Variants in L3MBTL4 observed in about 807,000 individuals in gnomAD.
The protein encoded by L3MBTL4 is L3MBTL histone methyl-lysine binding protein 4.
A neutral mutation model predicts 84.5 loss-of-function variants in L3MBTL4; 70 were observed. The ratio of observed to expected loss-of-function variants is 0.83; its 90% CI spans 0.68 to 1.01. The LOEUF (loss-of-function observed/expected upper bound fraction) is 1.01, where lower values mean the gene tolerates loss of function less well. Among genes scored for constraint, L3MBTL4 ranks in the 50% least tolerant of loss-of-function variants. The pLI, the probability that L3MBTL4 is intolerant of heterozygous loss-of-function variation, is 0.00. For missense variants in L3MBTL4, 715 were observed against 754.8 expected (o/e 0.95, Z 0.62); for synonymous variants, 274 against 259.8 (o/e 1.05, Z -0.52).
At chr18:6,336,122 A>G (rs970401217) in intron 1 of L3MBTL4, among the ~76,000 whole-genome samples, 2 of 152,182 alleles carry the variant, frequency 1.3e-5, no homozygotes, top group African/African-American at 2.4e-5. Context: ...GTAGGATGTA[A>G]TACTTTAAGG....
rs149869525 is a variant in L3MBTL4, at chr18:6,109,383, T to C, written c.1200-15855A>G. 2.0e-4 allele frequency among the ~76,000 whole-genome samples: 31 copies of C among 152,318 alleles called. 2 individuals carry two copies. The East Asian group carries it at 5.6e-3, about 28-fold the overall frequency. Reference sequence around the variant, plus strand: ...TTAGTCATTGTCATAACCATTGTTATGAGGCTTGCATTTCTCGTTTCTAGG... The same window carrying C: ...TTAGTCATTGTCATAACCATTGTTACGAGGCTTGCATTTCTCGTTTCTAGG... On this transcript the variant is annotated intron_variant, in intron 14 of 18. Transcript: ENST00000317931.
At chr18:6,149,108 T>C (rs2042776665) in intron 13 of L3MBTL4, among the ~76,000 whole-genome samples, 1 of 152,076 alleles carries the variant, frequency 6.6e-6, no homozygotes, top group African/African-American at 2.4e-5. Flanking sequence ...GCAGGCTTGT[T>C]ACATATGTAT....
At chr18:6,199,219 A>G (rs957209956) in intron 12 of L3MBTL4, among the ~76,000 whole-genome samples, 1 of 152,238 alleles carries the variant, frequency 6.6e-6, no homozygotes, top group African/African-American at 2.4e-5. Context: ...CCTCATGCCT[A>G]CATGGGGCTT....
At chr18:6,061,560 C>A (rs2057220955) in intron 16 of L3MBTL4, among the ~76,000 whole-genome samples, 1 of 151,900 alleles carries the variant, frequency 6.6e-6, no homozygotes, top group Non-Finnish European at 1.5e-5. Context: ...AATCACCAAA[C>A]TGAAGGCCAC....
chr18:6,272,304 G>C (rs2048909972), intron 4 of L3MBTL4, among the ~76,000 whole-genome samples: 1 of 152,090 alleles, frequency 6.6e-6, no homozygotes, highest in South Asian at 2.1e-4. Context: ...AAGATGGGAG[G>C]GCACCCTACC....
At chr18:6,285,647 C>A (rs1278690971) in intron 4 of L3MBTL4, among the ~76,000 whole-genome samples, 1 of 151,938 alleles carries the variant, frequency 6.6e-6, no homozygotes, top group Non-Finnish European at 1.5e-5. Flanking sequence ...GCAAGCCCTG[C>A]TGCTGAAGTC....
intron 10 of L3MBTL4, 39 bp downstream of exon 10, chr18:6,237,925 C>G: frequency 6.6e-7 from 1 of 1,510,964 alleles, no homozygotes. Flanking sequence ...GCCACTCACA[C>G]AGAGATGACT....
intron 16 of L3MBTL4, chr18:6,030,710 T>C (rs1206662655): frequency 1.2e-5 from 12 of 974,546 alleles, no homozygotes; most frequent in Non-Finnish European, 1.3e-5. Flanking sequence ...TCTTTGTATT[T>C]AGTTTAATGC....
chr18:6,286,334 T>C (rs977966895), intron 4 of L3MBTL4, among the ~76,000 whole-genome samples: 1 of 151,576 alleles, frequency 6.6e-6, no homozygotes, highest in Admixed American at 6.6e-5. Context: ...CATGGTGGCA[T>C]GCACCTGTAA....
chr18:6,036,536 CT>C (rs1177586814), intron 16 of L3MBTL4, among the ~76,000 whole-genome samples: 1 of 152,140 alleles, frequency 6.6e-6, no homozygotes, highest in Non-Finnish European at 1.5e-5. Flanking sequence ...TTCTCTACAT[CT>C]TCCCCTACTT....
At chr18:6,033,419 C>A (rs185810949) in intron 16 of L3MBTL4, among the ~76,000 whole-genome samples, 2 of 152,072 alleles carry the variant, frequency 1.3e-5, no homozygotes, top group Admixed American at 6.6e-5. Flanking sequence ...TTCTTTTAAA[C>A]CTATTCTGCC....
intron 8 of L3MBTL4, among the ~76,000 whole-genome samples, chr18:6,240,418 T>C (rs918908345): frequency 2.0e-5 from 3 of 149,998 alleles, no homozygotes; most frequent in African/African-American, 4.9e-5. Context: ...TTTATATATA[T>C]TTAACATATA....
At chr18:6,152,676 C>T (rs1348876842) in intron 13 of L3MBTL4, among the ~76,000 whole-genome samples, 1 of 152,076 alleles carries the variant, frequency 6.6e-6, no homozygotes, top group Non-Finnish European at 1.5e-5. Context: ...GGGTTTGTAT[C>T]TATTTTCTCC....
chr18:5,982,619 C>T (rs2053285019), intron 16 of L3MBTL4, among the ~76,000 whole-genome samples: 2 of 152,166 alleles, frequency 1.3e-5, no homozygotes, highest in Admixed American at 1.3e-4. Flanking sequence ...TCAGAAAATA[C>T]ACATTGAGAA....
At chr18:6,231,990 C>T in intron 10 of L3MBTL4, among the ~76,000 whole-genome samples, 1 of 152,100 alleles carries the variant, frequency 6.6e-6, no homozygotes, top group East Asian at 1.9e-4. Flanking sequence ...AGCTTTCAGA[C>T]ATTCACCATT....
chr18:6,290,023 G>A (rs2049780547), intron 4 of L3MBTL4, among the ~76,000 whole-genome samples: 1 of 152,050 alleles, frequency 6.6e-6, no homozygotes, highest in Non-Finnish European at 1.5e-5. Context: ...TGAGCTCAAG[G>A]AATCCTCTGG....
chr18:6,034,013 T>A (rs2145635831), intron 16 of L3MBTL4, among the ~76,000 whole-genome samples: 1 of 152,340 alleles, frequency 6.6e-6, no homozygotes, highest in South Asian at 2.1e-4. Flanking sequence ...TTCACATGGC[T>A]TTGAATCACT....
chr18:6,372,046 G>T (rs1403218609), intron 1 of L3MBTL4, among the ~76,000 whole-genome samples: 1 of 152,218 alleles, frequency 6.6e-6, no homozygotes, highest in Non-Finnish European at 1.5e-5. Context: ...TGCCAAGACT[G>T]CAGGCCCTGA....
In L3MBTL4 at chr18:5,955,894, T is replaced by G; in HGVS notation, c.*326A>C. The G allele has an allele frequency of 4.7e-6, 1 of 211,176 alleles. No homozygotes were observed. Among genetic ancestry groups the G allele is most frequent in the Non-Finnish European group, 9.4e-6 (1 of 106,862 alleles). 13.1% of individuals were successfully genotyped at this position (211,176 alleles called of 1,614,324 possible). ...AGTGTTATGCTTGTAAGATGGAAAA[T>G]GGTTTCTTTTCTGGTGACGGAGAAG... On this transcript the variant is annotated 3_prime_UTR_variant, in exon 19 of 19. Coordinates refer to ENST00000317931, the MANE Select transcript of L3MBTL4 (RefSeq NM_001330559.2).
Sources: allele counts gnomAD v4.1 joint callset (sites outside exome capture counted in the v4.1 genomes callset), GRCh38; gene constraint gnomAD v4.1.1; transcripts MANE v1.5; gene names NCBI Gene and HGNC (gene_info 2026-07-23, HGNC 2026-07-21).